KCNC2: variants seen among roughly 807,000 people sequenced by gnomAD.
KCNC2 encodes the protein voltage-gated potassium channel KCNC2.
In KCNC2, 21 loss-of-function variants were observed where a neutral mutation model predicts 44.5. The observed-to-expected ratio is 0.47, with a 90% CI of 0.33 to 0.68. The LOEUF is 0.68. KCNC2 is among the 30% of genes least tolerant of loss of function. The pLI is 0.01. For synonymous variants in KCNC2, 391 were observed against 339.1 expected (o/e 1.15, Z -1.68); for missense variants, 589 against 826.2 (o/e 0.71, Z 3.52).
intron 2 of KCNC2, among the ~76,000 whole-genome samples, chr12:75,136,324 G>T (rs1452747716): frequency 6.6e-6 from 1 of 151,702 alleles, no homozygotes; most frequent in African/African-American, 2.4e-5. Flanking sequence ...TAGAAAAAAA[G>T]AAATAACAAA....
intron 2 of KCNC2, among the ~76,000 whole-genome samples, chr12:75,123,555 G>C (rs1278073712): frequency 1.3e-5 from 2 of 152,098 alleles, no homozygotes; most frequent in Non-Finnish European, 2.9e-5. Context: ...GAAACCAATA[G>C]AGCAACATCC....
intron 2 of KCNC2, among the ~76,000 whole-genome samples, chr12:75,165,906 T>C (rs1009224287): frequency 6.6e-6 from 1 of 151,506 alleles, no homozygotes. Flanking sequence ...AGATTTGGTT[T>C]GTGTGTAAAT....
intron 2 of KCNC2, among the ~76,000 whole-genome samples, chr12:75,158,954 G>A (rs1434888816): frequency 6.6e-6 from 1 of 151,860 alleles, no homozygotes; most frequent in Non-Finnish European, 1.5e-5. Context: ...TGGAAGTGTG[G>A]GGTAAATATA....
At chr12:75,140,374 A>T (rs1024919022) in intron 2 of KCNC2, among the ~76,000 whole-genome samples, 2 of 152,216 alleles carry the variant, frequency 1.3e-5, no homozygotes, top group Admixed American at 6.5e-5. Flanking sequence ...AGGGACCATT[A>T]TTATTACAAT....
At chr12:75,099,307 T>C (rs1400043768) in intron 2 of KCNC2, among the ~76,000 whole-genome samples, 1 of 152,140 alleles carries the variant, frequency 6.6e-6, no homozygotes, top group African/African-American at 2.4e-5. Context: ...TATAATGCAT[T>C]CAAGGGTTTT....
At position 75,073,959 on chromosome 12, in the gene KCNC2, C is replaced by CAGT. The variant is rs574476337; in HGVS notation, c.688-22645_688-22643dup. 3.5e-4 allele frequency among the ~76,000 whole-genome samples: 53 copies of CAGT among 152,288 alleles called. No individual in the cohort carries two copies. In the East Asian group the frequency reaches 8.9e-3, roughly 26 times the overall value. On this transcript the variant is annotated intron_variant, in intron 2 of 4. Coordinates refer to ENST00000549446, the MANE Select transcript of KCNC2 (RefSeq NM_139137.4). Reference sequence around the variant, plus strand: ...CTTTTCCTTCTGTCAGTTCCACGTACAGTAGCACTTGATCATCACTTGATC... The same window carrying CAGT: ...CTTTTCCTTCTGTCAGTTCCACGTACAGTAGTAGCACTTGATCATCACTTGATC...
At position 75,041,527 on chromosome 12, in the gene KCNC2, C is replaced by A. The variant is rs1036672994; in HGVS notation, c.*1578G>T. The A allele has an allele frequency of 7.9e-6, 9 of 1,139,744 alleles. No individual in the cohort carries two copies. The highest frequency in any genetic ancestry group is 9.8e-6 in the Non-Finnish European group (9 of 919,524). 70.6% of individuals were successfully genotyped at this position (1,139,744 alleles called of 1,614,324 possible). A position where few individuals can be genotyped will look rare whatever the true frequency, so the allele number is the denominator to read the frequency against. ...CAAATGCCTTAGTGATATTATTTAT[C>A]CCTCTATTTATATTACGGTCTTTTT... On this transcript the variant is annotated 3_prime_UTR_variant, in exon 5 of 5. Transcript: ENST00000549446.
At chr12:75,208,745 A>G (rs1227499092) in intron 1 of KCNC2, among the ~76,000 whole-genome samples, 3 of 152,022 alleles carry the variant, frequency 2.0e-5, no homozygotes, top group Non-Finnish European at 4.4e-5. Flanking sequence ...CAGAGAAAAA[A>G]AAAATCTCTG....
rs906030479 is a variant in KCNC2 at position 75,043,228 on chromosome 12, G to T, written c.1794C>A (p.Ser598=). 9 of 1,611,746 alleles carry T rather than the reference G, an allele frequency of 5.6e-6. No individual in the cohort carries two copies. The highest frequency in any genetic ancestry group is 2.2e-5 in the East Asian group (1 of 44,772). The change falls in exon 5 of 5, where the codon TCC becomes TCA. Residue 598 remains serine, a synonymous_variant. Transcript: ENST00000549446. ...AGCCCGCTATGTTGTTTAAGCTTCG[G>T]GATTTTTCATATCCTTTTATGAAAA... The part of the protein sequence containing the change: ...DGGIRKGYEK[S]RSLNNIAGLA...
intron 2 of KCNC2, among the ~76,000 whole-genome samples, chr12:75,204,453 GAA>G (rs1288776076): frequency 7.9e-5 from 12 of 151,888 alleles, no homozygotes; most frequent in South Asian, 2.1e-4. Context: ...CAATATTGGA[GAA>G]AAAAGAAAAT....
At chr12:75,109,084 T>C (rs1191241375) in intron 2 of KCNC2, among the ~76,000 whole-genome samples, 1 of 152,184 alleles carries the variant, frequency 6.6e-6, no homozygotes, top group Non-Finnish European at 1.5e-5. Context: ...TGTATCTAAG[T>C]CTCAGTTTCC....
chr12:75,131,990 A>T (rs1888881665), intron 2 of KCNC2, among the ~76,000 whole-genome samples: 1 of 152,220 alleles, frequency 6.6e-6, no homozygotes, highest in Non-Finnish European at 1.5e-5. Context: ...TACAGTAGCC[A>T]CAGAAAACTA....
intron 1 of KCNC2, 57 bp from the exon 2 acceptor site, chr12:75,208,059 A>G (rs1421094666): frequency 6.3e-7 from 1 of 1,586,418 alleles, no homozygotes; most frequent in African/African-American, 1.4e-5. Flanking sequence ...AAGACACACC[A>G]TGACCCCCAC....
intron 2 of KCNC2, among the ~76,000 whole-genome samples, chr12:75,116,250 A>T (rs1887652383): frequency 1.3e-5 from 2 of 152,168 alleles, no homozygotes; most frequent in South Asian, 4.1e-4. Context: ...GTTTCAAAGG[A>T]GGGTCCGAAG....
At position 75,075,119 on chromosome 12, in the gene KCNC2, C is replaced by A. The variant is rs1198676687; in HGVS notation, c.688-23802G>T. Among the ~76,000 whole-genome samples, 4 of 151,930 alleles carry A rather than the reference C, an allele frequency of 2.6e-5. No homozygotes were observed. In the East Asian group the frequency reaches 5.8e-4, roughly 22 times the overall value. On this transcript the variant is annotated intron_variant, in intron 2 of 4. Coordinates refer to ENST00000549446, the MANE Select transcript of KCNC2 (RefSeq NM_139137.4). ...AAAACCTCAATGTTAACCTGTAGAC[C>A]GTGAACTTTATCCTTAAAAACAATA...
At chr12:75,128,696 C>G (rs1888618095) in intron 2 of KCNC2, among the ~76,000 whole-genome samples, 2 of 151,952 alleles carry the variant, frequency 1.3e-5, no homozygotes, top group Admixed American at 1.3e-4. Context: ...TTTTCACTGC[C>G]TGGTTATGTT....
chr12:75,051,574 T>C (rs1203720915), intron 2 of KCNC2, among the ~76,000 whole-genome samples: 1 of 152,114 alleles, frequency 6.6e-6, no homozygotes, highest in East Asian at 1.9e-4. Flanking sequence ...TTATTGAGAT[T>C]TTTTTGTGTA....
At chr12:75,190,508 T>C (rs1016218898) in intron 2 of KCNC2, among the ~76,000 whole-genome samples, 1 of 152,232 alleles carries the variant, frequency 6.6e-6, no homozygotes, top group Non-Finnish European at 1.5e-5. Context: ...CATAGAAATG[T>C]TTCTATCCTC....
At chr12:75,166,751 A>ACC (rs1891482529) in intron 2 of KCNC2, among the ~76,000 whole-genome samples, 1 of 151,234 alleles carries the variant, frequency 6.6e-6, no homozygotes, top group Non-Finnish European at 1.5e-5. Flanking sequence ...ATTAGAAAAT[A>ACC]CCTTGCAACA....
Sources: gnomAD v4.1 joint callset for allele counts (sites outside exome capture counted in the v4.1 genomes callset) on GRCh38, gnomAD v4.1.1 for gene constraint, MANE v1.5 for transcripts, NCBI Gene and HGNC (gene_info 2026-07-23, HGNC 2026-07-21) for gene names.